Variants in SNAP23 observed in about 807,000 individuals in gnomAD.
SNAP23 encodes the protein synaptosomal-associated protein 23.
SNAP23 carries 11 observed loss-of-function variants against 29.0 expected under a neutral mutation model. That is an observed-to-expected ratio of 0.38 (90% confidence interval 0.24 to 0.63). The LOEUF (loss-of-function observed/expected upper bound fraction) is 0.63, where lower values mean the gene tolerates loss of function less well. Among genes scored for constraint, SNAP23 ranks in the 20% least tolerant of loss-of-function variants. The pLI is 0.58. For missense variants in SNAP23, 220 were observed against 253.9 expected, an observed-to-expected ratio of 0.87 and a Z score of 0.91; for synonymous variants, 60 against 82.9, an observed-to-expected ratio of 0.72 and a Z score of 1.50.
Position 42,530,023 on chromosome 15 carries a change from G to A in SNAP23, c.570+204G>A, listed in dbSNP as rs533395048. ...GTAGTTGGTGCATTTTGAAACCAGA[G>A]TTTTGGAATATAGTAGTTTTACTTA... On this transcript the variant is annotated intron_variant, in intron 7 of 7. Transcript: ENST00000249647. Among the ~76,000 whole-genome samples the A allele has an allele frequency of 1.1e-4, 17 of 152,318 alleles. 1 individual carries two copies. In the South Asian group the frequency reaches 3.1e-3, roughly 28 times the overall value.
chr15:42,516,873 A>G (rs916109011), intron 5 of SNAP23, among the ~76,000 whole-genome samples: 1 of 152,190 alleles, frequency 6.6e-6, no homozygotes, highest in East Asian at 1.9e-4. Flanking sequence ...TTGGCTTCCT[A>G]TTCTAACACA....
chr15:42,519,758 C>G (rs2057428154), intron 5 of SNAP23, among the ~76,000 whole-genome samples: 2 of 152,108 alleles, frequency 1.3e-5, no homozygotes, highest in Non-Finnish European at 1.5e-5. Context: ...CCACATTGGC[C>G]TCCCAAAGTG....
rs566944653 is a variant in SNAP23, at chr15:42,507,473, A to G, written c.-14-4360A>G. On this transcript the variant is annotated intron_variant, in intron 1 of 7. Coordinates refer to ENST00000249647, the MANE Select transcript of SNAP23 (RefSeq NM_003825.4). ...TGCATTTTCCTCTGAAAGGCACACT[A>G]TTAGCATAGTATAAGTTCCCAGCAG... Among the ~76,000 whole-genome samples the G allele has an allele frequency of 3.3e-5, 5 of 152,344 alleles. No individual in the cohort carries two copies. The South Asian group carries it at 6.2e-4, about 19-fold the overall frequency.
At chr15:42,493,220 T>C (rs769799141), upstream of SNAP23, among the ~76,000 whole-genome samples, 10 of 152,048 alleles carry the variant, frequency 6.6e-5, no homozygotes, top group Non-Finnish European at 1.0e-4. Flanking sequence ...TGCACACCTG[T>C]AGTCCCAGCT....
chr15:42,521,750 T>C, intron 5 of SNAP23: 1 of 667,848 alleles, frequency 1.5e-6, no homozygotes, highest in East Asian at 2.8e-5. Context: ...GCATGGATTT[T>C]GTGAATGGTG....
At chr15:42,513,027 T>C (rs769830830) in intron 3 of SNAP23, 31 bp downstream of exon 3, 14 of 1,469,408 alleles carry the variant, frequency 9.5e-6, no homozygotes, top group African/African-American at 2.8e-5. Flanking sequence ...AACTTAAGTA[T>C]AGAAATTTAT....
chr15:42,529,805 C>T lies in SNAP23; in HGVS notation c.556C>T (p.Arg186Ter). 1 of 1,611,804 alleles carries T rather than the reference C, an allele frequency of 6.2e-7. No individual in the cohort carries two copies. The highest frequency in any genetic ancestry group is 8.5e-7 in the Non-Finnish European group (1 of 1,179,496). ...TGATGCTCAAAATCCACAAATAAAA[C>T]GAATCACAGACAAGGTAAAAGCTTT... ...EIDAQNPQIK[R>*]ITDKADTNRD... Residue 186 changes from arginine to a stop codon, truncating the protein, a stop_gained, in exon 7 of 8, where the codon CGA (arginine) becomes TGA (stop). Coordinates refer to ENST00000249647, the MANE Select transcript of SNAP23 (RefSeq NM_003825.4). LOFTEE classifies it high-confidence loss of function.
rs574051025 is a variant in SNAP23 at position 42,507,902 on chromosome 15, T to G, written c.-14-3931T>G. ...ACTTATAGGTAAATTTTTTTTTCAG[T>G]AAATACAATCAGCCCTCCGTATCAG... On this transcript the variant is annotated intron_variant, in intron 1 of 7. Coordinates refer to ENST00000249647, the MANE Select transcript of SNAP23 (RefSeq NM_003825.4). Among the ~76,000 whole-genome samples, 12 of 152,054 alleles carry G rather than the reference T, an allele frequency of 7.9e-5. No individual in the cohort carries two copies. In the South Asian group the frequency reaches 2.5e-3, roughly 32 times the overall value.
chr15:42,498,074 G>A (rs1430449659), intron 1 of SNAP23, among the ~76,000 whole-genome samples: 2 of 152,220 alleles, frequency 1.3e-5, no homozygotes, highest in Admixed American at 6.5e-5. Context: ...CAGGCCCAGA[G>A]GCTGCTCTGC....
intron 5 of SNAP23, among the ~76,000 whole-genome samples, chr15:42,526,422 T>C (rs1281053983): frequency 6.6e-6 from 1 of 152,170 alleles, no homozygotes; most frequent in African/African-American, 2.4e-5. Context: ...GAGAACTAGC[T>C]CTTCAGTGTT....
intron 1 of SNAP23, among the ~76,000 whole-genome samples, chr15:42,508,802 CA>C (rs1487211352): frequency 6.6e-6 from 1 of 152,134 alleles, no homozygotes; most frequent in African/African-American, 2.4e-5. Context: ...AATAGAATTA[CA>C]AAATTACATA....
intron 5 of SNAP23, among the ~76,000 whole-genome samples, chr15:42,523,577 A>C (rs1189626680): frequency 6.6e-6 from 1 of 152,246 alleles, no homozygotes; most frequent in African/African-American, 2.4e-5. Context: ...AAGCCAATGA[A>C]TGAAAATATT....
chr15:42,526,780 A>T (rs2057506972), intron 5 of SNAP23, among the ~76,000 whole-genome samples: 1 of 149,716 alleles, frequency 6.7e-6, no homozygotes, highest in Non-Finnish European at 1.5e-5. Flanking sequence ...CGTAACAGCC[A>T]TTTTTTTTTC....
Position 42,513,405 on chromosome 15 carries a change from G to A in SNAP23, c.106G>A (p.Asp36Asn), listed in dbSNP as rs965070448. The change falls in exon 4 of 8, where the codon GAT becomes AAT. Residue 36 changes from aspartate to asparagine, a missense_variant. Transcript: ENST00000249647. ...RILGLAIESQDAGIKTITMLD... is the reference protein window; with the variant it reads ...RILGLAIESQNAGIKTITMLD... ...TTTTCCCCCCTTGTCTTAGTCTCAGGATGCAGGAATCAAGACCATCACTAT... is the reference window on the plus strand; with the variant it reads ...TTTTCCCCCCTTGTCTTAGTCTCAGAATGCAGGAATCAAGACCATCACTAT... 6.2e-7 allele frequency: 1 copy of A among 1,613,598 alleles called. No homozygotes were observed. The highest frequency in any genetic ancestry group is 1.3e-5 in the African/African-American group (1 of 74,892).
chr15:42,522,994 G>A (rs941765793), intron 5 of SNAP23, among the ~76,000 whole-genome samples: 9 of 151,444 alleles, frequency 5.9e-5, no homozygotes, highest in African/African-American at 1.9e-4. Flanking sequence ...ACAAGCGTGC[G>A]CCACCACACC....
intron 3 of SNAP23, chr15:42,513,197 G>A (rs1364459361): frequency 4.0e-6 from 3 of 742,786 alleles, no homozygotes; most frequent in African/African-American, 3.5e-5. Context: ...CAGGGAAGAT[G>A]AATTCACTAT....
intron 5 of SNAP23, among the ~76,000 whole-genome samples, chr15:42,525,494 C>G (rs954241856): frequency 4.0e-5 from 3 of 75,026 alleles, no homozygotes; most frequent in African/African-American, 1.5e-4. Context: ...GACGGAGTCT[C>G]ACTCTGTCAC....
At chr15:42,494,438 G>T (rs2057198485), upstream of SNAP23, among the ~76,000 whole-genome samples, 1 of 147,340 alleles carries the variant, frequency 6.8e-6, no homozygotes. Context: ...ACTGTCGCCA[G>T]TGATAGACAT....
chr15:42,517,417 T>C (rs1254636919), intron 5 of SNAP23, among the ~76,000 whole-genome samples: 1 of 152,174 alleles, frequency 6.6e-6, no homozygotes, highest in Non-Finnish European at 1.5e-5. Flanking sequence ...TTTCTTGAGA[T>C]CAGATGTTAG....
Sources: allele counts gnomAD v4.1 joint callset (sites outside exome capture counted in the v4.1 genomes callset), GRCh38; gene constraint gnomAD v4.1.1; transcripts MANE v1.5; gene names NCBI Gene and HGNC (gene_info 2026-07-23, HGNC 2026-07-21).